The following FHL2 variants were observed in gnomAD, a reference collection of about 807,000 sequenced individuals.
The protein encoded by FHL2 is four and a half LIM domains protein 2.
In FHL2, 20 loss-of-function variants were observed where a neutral mutation model predicts 32.7. That is an observed-to-expected ratio of 0.61 (90% CI 0.43 to 0.89). The LOEUF (loss-of-function observed/expected upper bound fraction) is 0.89, where lower values mean the gene tolerates loss of function less well. Among genes scored for constraint, FHL2 ranks in the 40% least tolerant of loss-of-function variants. The probability of loss-of-function intolerance (pLI) is 0.00; values close to 1 mark genes in which losing one functional copy is unlikely to be tolerated. For synonymous variants in FHL2, 123 were observed against 128.1 expected (o/e 0.96, Z 0.27); for missense variants, 311 against 358.6 (o/e 0.87, Z 1.07).
intron 3 of FHL2, chr2:105,378,130 G>A (rs1681609947): frequency 2.1e-6 from 1 of 471,072 alleles, no homozygotes; most frequent in African/African-American, 2.0e-5. Flanking sequence ...GCACAGACAT[G>A]GAAAAGCTGG....
chr2:105,400,511 T>A (rs1253858354), upstream of FHL2, among the ~76,000 whole-genome samples: 1 of 152,126 alleles, frequency 6.6e-6, no homozygotes, highest in Non-Finnish European at 1.5e-5. Flanking sequence ...TAGAAAAGGC[T>A]CCCAGCCCCT....
rs1684412004 is a variant in FHL2, at chr2:105,430,861, C to T, written c.-25+7538G>A. Among the ~76,000 whole-genome samples, 3 of 152,190 alleles carry T rather than the reference C, an allele frequency of 2.0e-5. No homozygotes were observed. The South Asian group carries it at 6.2e-4, about 31-fold the overall frequency. ...GATGAATCAGAGCAGACAGGCCTTG[C>T]TGGGGTTCCCCACTAAGTCTGTTGC... On this transcript the variant is annotated intron_variant, in intron 1 of 5. Transcript: ENST00000393352.
intron 1 of FHL2, among the ~76,000 whole-genome samples, chr2:105,430,583 G>A (rs879670693): frequency 2.6e-5 from 4 of 152,264 alleles, no homozygotes; most frequent in Admixed American, 2.6e-4. Flanking sequence ...CATGAGAATC[G>A]CTTGACCCTG....
chr2:105,435,248 T>C (rs1425056345), intron 1 of FHL2, among the ~76,000 whole-genome samples: 1 of 152,214 alleles, frequency 6.6e-6, no homozygotes, highest in Non-Finnish European at 1.5e-5. Flanking sequence ...TTTTGAGCTA[T>C]TGCACTGTTT....
upstream of FHL2, among the ~76,000 whole-genome samples, chr2:105,401,351 T>A (rs1277172789): frequency 6.6e-6 from 1 of 152,166 alleles, no homozygotes; most frequent in Non-Finnish European, 1.5e-5. Flanking sequence ...ATAGGGCCTA[T>A]ATATATACGA....
chr2:105,397,017 T>TG (rs1343322825), intron 1 of FHL2: 19 of 225,760 alleles, frequency 8.4e-5, no homozygotes, highest in Non-Finnish European at 1.1e-4. Flanking sequence ...TCTGTTTTTT[T>TG]TTTTTTTTTT....
At chr2:105,399,153 G>T (rs1168570001), upstream of FHL2, 6 of 1,364,142 alleles carry the variant, frequency 4.4e-6, no homozygotes, top group African/African-American at 1.5e-5. Context: ...TGGGGCGCGG[G>T]GGGCGGGCGC....
upstream of FHL2, among the ~76,000 whole-genome samples, chr2:105,399,822 C>T (rs983810074): frequency 6.6e-6 from 1 of 152,136 alleles, no homozygotes; most frequent in Non-Finnish European, 1.5e-5. Context: ...AACATTTGCT[C>T]CTGAGCAGGT....
At chr2:105,368,883 G>A (rs1005312600) in intron 4 of FHL2, among the ~76,000 whole-genome samples, 1 of 152,200 alleles carries the variant, frequency 6.6e-6, no homozygotes, top group Non-Finnish European at 1.5e-5. Context: ...TGAGGGGCCT[G>A]GCCACTGTGT....
At chr2:105,406,019 G>GATT (rs1443933054) in intron 1 of FHL2, among the ~76,000 whole-genome samples, 2 of 152,226 alleles carry the variant, frequency 1.3e-5, no homozygotes, top group Admixed American at 6.5e-5. Flanking sequence ...AGATTTGTGT[G>GATT]TGATGAAAAC....
chr2:105,430,879 T>A (rs1287907106), intron 1 of FHL2, among the ~76,000 whole-genome samples: 1 of 152,166 alleles, frequency 6.6e-6, no homozygotes, highest in Non-Finnish European at 1.5e-5. Flanking sequence ...CCCCACTAAG[T>A]CTGTTGCCAT....
intron 3 of FHL2, among the ~76,000 whole-genome samples, chr2:105,377,290 A>G (rs1376834942): frequency 3.3e-5 from 5 of 152,224 alleles, no homozygotes; most frequent in Non-Finnish European, 7.3e-5. Context: ...GTGGTTAAGA[A>G]GGTAAGTGTG....
In FHL2 at chr2:105,392,975, G is replaced by A. The variant is rs911268643; in HGVS notation, c.-25+3672C>T. On this transcript the variant is annotated intron_variant, in intron 2 of 6. Transcript: ENST00000530340. ...GCTGGTATTACAGGCGTGCATCACCGCACCCAGCTAATTTTTTTTTTTTTT... is the reference window on the plus strand; with the variant it reads ...GCTGGTATTACAGGCGTGCATCACCACACCCAGCTAATTTTTTTTTTTTTT... Among the ~76,000 whole-genome samples, 9 of 150,340 alleles carry A rather than the reference G, an allele frequency of 6.0e-5. No individual in the cohort carries two copies. In the South Asian group the frequency reaches 1.5e-3, roughly 25 times the overall value.
At chr2:105,381,615 G>A (rs756525149) in intron 3 of FHL2, among the ~76,000 whole-genome samples, 22 of 152,158 alleles carry the variant, frequency 1.4e-4, no homozygotes, top group Non-Finnish European at 5.9e-5. Context: ...CCCTTCTCAT[G>A]AAATCCATCC....
At position 105,395,564 on chromosome 2, in the gene FHL2, T is replaced by C. The variant is rs546112456; in HGVS notation, c.-25+1083A>G. On this transcript the variant is annotated intron_variant, in intron 2 of 6. Coordinates refer to ENST00000530340, the MANE Select transcript of FHL2 (RefSeq NM_001318895.3). ...ACTGCAGTCCTGCCACTCTGTGGGG[T>C]TTCTCTGGCGCACTGCAACAGGACT... 7.2e-5 allele frequency among the ~76,000 whole-genome samples: 11 copies of C among 152,194 alleles called. No homozygotes were observed. In the South Asian group the frequency reaches 2.1e-3, roughly 29 times the overall value.
chr2:105,386,756 CTTTTTTTTTTTT>C (rs11380471), intron 2 of FHL2, among the ~76,000 whole-genome samples: 18 of 48,964 alleles, frequency 3.7e-4, no homozygotes, highest in African/African-American at 2.8e-4. Flanking sequence ...ATGCATTCCA[CTTTTTTTTTTTT>C]TTTTTTTTTT....
intron 1 of FHL2, among the ~76,000 whole-genome samples, chr2:105,429,968 C>T (rs1684379159): frequency 6.6e-6 from 1 of 152,154 alleles, no homozygotes; most frequent in Non-Finnish European, 1.5e-5. Flanking sequence ...TTATTATTCC[C>T]ATTTTACAGA....
rs1681298420 is a variant in FHL2, at chr2:105,374,157, G to A, written c.157-424C>T. ...CCCAACTCAGATCACTGTGGTCACC[G>A]GCATGGCAGAGAGGCTCTGGGTGTC... On this transcript the variant is annotated intron_variant, in intron 3 of 6. Coordinates refer to ENST00000530340, the MANE Select transcript of FHL2 (RefSeq NM_001318895.3). 1.6e-5 allele frequency: 4 copies of A among 252,356 alleles called. 1 individual carries two copies. The highest frequency in any genetic ancestry group is 9.9e-5 in the East Asian group (1 of 10,072). 15.6% of individuals were successfully genotyped at this position (252,356 alleles called of 1,614,324 possible).
rs1050850135 is a variant in FHL2, at chr2:105,361,115, C to T, written c.*168G>A. ...AGTTTTCTCTTTCCCTGGGACTGAACTATCACAAAGCACTAAAGGGTTTAA... is the reference window on the plus strand; with the variant it reads ...AGTTTTCTCTTTCCCTGGGACTGAATTATCACAAAGCACTAAAGGGTTTAA... On this transcript the variant is annotated 3_prime_UTR_variant, in exon 7 of 7. Transcript: ENST00000530340. 101 of 614,572 alleles carry T rather than the reference C, an allele frequency of 1.6e-4. 1 individual carries two copies. Among genetic ancestry groups the T allele is most frequent in the Non-Finnish European group, 3.2e-5 (12 of 374,048 alleles). 38.1% of individuals were successfully genotyped at this position (614,572 alleles called of 1,614,324 possible).
Sources: allele counts gnomAD v4.1 joint callset (sites outside exome capture counted in the v4.1 genomes callset), GRCh38; gene constraint gnomAD v4.1.1; transcripts MANE v1.5; gene names NCBI Gene and HGNC (gene_info 2026-07-23, HGNC 2026-07-21).